NELL1: variants seen among roughly 807,000 people sequenced by gnomAD.
The protein encoded by NELL1 is protein kinase C-binding protein NELL1.
A neutral mutation model predicts 107.4 loss-of-function variants in NELL1; 76 were observed. The ratio of observed to expected loss-of-function variants is 0.71; its 90% CI spans 0.59 to 0.86. The LOEUF is 0.86. NELL1 is among the 40% of genes least tolerant of loss of function. NELL1 has a pLI of 0.00. For missense variants in NELL1, 1,024 were observed against 1,005.5 expected (o/e 1.02, Z -0.25); for synonymous variants, 353 against 341.2 (o/e 1.03, Z -0.38).
intron 12 of NELL1, among the ~76,000 whole-genome samples, chr11:21,059,731 G>A (rs1516757): frequency 0.82 from 124,777 of 152,032 alleles, 51,829 homozygotes; most frequent in East Asian, 1. Context: ...ATGGGGATGA[G>A]TAAACAGGTT....
intron 15 of NELL1, among the ~76,000 whole-genome samples, chr11:21,383,475 A>T (rs1011662692): frequency 5.9e-5 from 9 of 151,928 alleles, no homozygotes; most frequent in Non-Finnish European, 1.3e-4. Flanking sequence ...CTTACATAAT[A>T]TCTAAAGACT....
At chr11:21,241,167 A>G (rs1440067061) in intron 14 of NELL1, among the ~76,000 whole-genome samples, 1 of 152,078 alleles carries the variant, frequency 6.6e-6, no homozygotes, top group African/African-American at 2.4e-5. Context: ...ACAATTCTCA[A>G]TGGACCAGGA....
intron 18 of NELL1, 22 bp from the exon 19 acceptor site, chr11:21,573,163 A>AT (rs376441564): frequency 1.9e-6 from 3 of 1,590,390 alleles, no homozygotes; most frequent in South Asian, 1.1e-5. Context: ...ATAATGAGAC[A>AT]TTTTTTGCTT....
chr11:21,320,861 A>G (rs2133665653), intron 14 of NELL1, among the ~76,000 whole-genome samples: 1 of 152,342 alleles, frequency 6.6e-6, no homozygotes, highest in Admixed American at 6.5e-5. Flanking sequence ...TAGTGATCAA[A>G]GTCAAATTTC....
intron 13 of NELL1, among the ~76,000 whole-genome samples, chr11:21,134,542 T>C (rs1021391257): frequency 3.3e-5 from 5 of 152,220 alleles, no homozygotes; most frequent in Non-Finnish European, 7.3e-5. Context: ...TTCCTGATTT[T>C]AACAGTTCTG....
chr11:21,347,180 T>C (rs971894492), intron 14 of NELL1, among the ~76,000 whole-genome samples: 11 of 152,022 alleles, frequency 7.2e-5, no homozygotes, highest in African/African-American at 2.7e-4. Flanking sequence ...GAGTTGACAT[T>C]TGAGTGGAGA....
intron 4 of NELL1, among the ~76,000 whole-genome samples, chr11:20,876,259 C>A (rs1849302525): frequency 6.6e-6 from 1 of 152,108 alleles, no homozygotes; most frequent in African/African-American, 2.4e-5. Context: ...CTTCCCATTA[C>A]AGTCTGTGTT....
intron 14 of NELL1, among the ~76,000 whole-genome samples, chr11:21,331,420 A>G (rs1183247050): frequency 6.6e-6 from 1 of 151,952 alleles, no homozygotes; most frequent in Non-Finnish European, 1.5e-5. Flanking sequence ...AAATTTAGTG[A>G]CACTGGCAGT....
intron 11 of NELL1, among the ~76,000 whole-genome samples, chr11:20,958,888 C>T (rs560169104): frequency 4.1e-4 from 62 of 152,108 alleles, no homozygotes; most frequent in Non-Finnish European, 7.4e-4. Flanking sequence ...TATAGGCATA[C>T]CCTGGAGATA....
At chr11:20,711,449 C>A (rs1192672743) in intron 2 of NELL1, among the ~76,000 whole-genome samples, 3 of 151,736 alleles carry the variant, frequency 2.0e-5, no homozygotes, top group Non-Finnish European at 2.9e-5. Context: ...GTATTTTTTT[C>A]TCATTGTGTT....
At chr11:21,563,625 G>A (rs1436223898) in intron 17 of NELL1, among the ~76,000 whole-genome samples, 1 of 151,984 alleles carries the variant, frequency 6.6e-6, no homozygotes, top group Non-Finnish European at 1.5e-5. Context: ...AAGTATATGG[G>A]AGGATATGCA....
intron 14 of NELL1, among the ~76,000 whole-genome samples, chr11:21,275,401 A>G (rs535760105): frequency 6.6e-6 from 1 of 152,210 alleles, no homozygotes; most frequent in Non-Finnish European, 1.5e-5. Flanking sequence ...AATTGAGGCA[A>G]TAATTAATAG....
intron 2 of NELL1, among the ~76,000 whole-genome samples, chr11:20,729,989 G>A (rs1021002628): frequency 1.3e-5 from 2 of 152,120 alleles, no homozygotes; most frequent in African/African-American, 2.4e-5. Flanking sequence ...CTGTAGCTTC[G>A]AAATGTAGAG....
intron 12 of NELL1, among the ~76,000 whole-genome samples, chr11:21,053,732 G>A (rs1250419752): frequency 1.3e-5 from 2 of 152,156 alleles, no homozygotes; most frequent in African/African-American, 4.8e-5. Flanking sequence ...TGGAGCTGGA[G>A]AAATTGTCAG....
chr11:20,995,368 T>A (rs1287700105), intron 12 of NELL1, among the ~76,000 whole-genome samples: 2 of 151,854 alleles, frequency 1.3e-5, no homozygotes, highest in East Asian at 3.9e-4. Context: ...GATCACGAGG[T>A]CAGGAGTTTG....
In NELL1 at chr11:20,748,922, A is replaced by G. The variant is rs1856069670; in HGVS notation, c.185-34758A>G. Among the ~76,000 whole-genome samples, 3 of 148,938 alleles carry G rather than the reference A, an allele frequency of 2.0e-5. 1 individual carries two copies. The highest frequency in any genetic ancestry group is 7.5e-5 in the African/African-American group (3 of 40,064). ...CATCCACCCAGCCACCCATCCATCC[A>G]TCCATCCATCCATCCATCCATCCAT... On this transcript the variant is annotated intron_variant, in intron 2 of 19. Coordinates refer to ENST00000357134, the MANE Select transcript of NELL1 (RefSeq NM_006157.5).
intron 2 of NELL1, among the ~76,000 whole-genome samples, chr11:20,742,831 C>T (rs1239642209): frequency 6.6e-6 from 1 of 152,146 alleles, no homozygotes; most frequent in African/African-American, 2.4e-5. Flanking sequence ...CCTTCTGCCC[C>T]TTGATATCCC....
chr11:21,485,277 C>T (rs1854596463), intron 15 of NELL1, among the ~76,000 whole-genome samples: 1 of 152,144 alleles, frequency 6.6e-6, no homozygotes, highest in South Asian at 2.1e-4. Context: ...AAGCCAGGCA[C>T]TTTCATCCAC....
intron 16 of NELL1, among the ~76,000 whole-genome samples, chr11:21,545,233 G>A (rs1024355714): frequency 6.9e-6 from 1 of 144,588 alleles, no homozygotes; most frequent in Non-Finnish European, 1.5e-5. Flanking sequence ...CATTTACGAG[G>A]TTGCTCTCCT....
Sources: gnomAD v4.1 joint callset for allele counts (sites outside exome capture counted in the v4.1 genomes callset) on GRCh38, gnomAD v4.1.1 for gene constraint, MANE v1.5 for transcripts, NCBI Gene and HGNC (gene_info 2026-07-23, HGNC 2026-07-21) for gene names.